The following FZD3 variants were observed in gnomAD, a reference collection of about 807,000 sequenced individuals.
The protein encoded by FZD3 is frizzled class receptor 3, also known as frizzled-3.
FZD3 carries 30 observed loss-of-function variants against 60.7 expected under a neutral mutation model. That is an observed-to-expected ratio of 0.49 (90% CI 0.37 to 0.67). The LOEUF is 0.67. Ranked by LOEUF, FZD3 falls within the 30% of genes least tolerant of loss-of-function variation. The probability of loss-of-function intolerance (pLI) is 0.00; values close to 1 mark genes in which losing one functional copy is unlikely to be tolerated. For synonymous variants in FZD3, 246 were observed against 275.2 expected, an observed-to-expected ratio of 0.89 and a Z score of 1.05; for missense variants, 605 against 838.7, an observed-to-expected ratio of 0.72 and a Z score of 3.44.
chr8:28,568,426 C>T lies in FZD3; in HGVS notation c.*5415C>T, dbSNP rs930028696. On this transcript the variant is annotated 3_prime_UTR_variant, in exon 8 of 8. Transcript: ENST00000240093. ...GGAAGACTAGGTATCGCATGCCTTC[C>T]GTCTGATTGTAATCAGTCTCCTGGG... is the stretch of plus-strand genomic sequence containing the variant. 4 of 152,008 alleles carry T rather than the reference C, an allele frequency of 2.6e-5. No homozygotes were observed. The highest frequency in any genetic ancestry group is 4.4e-5 in the Non-Finnish European group (3 of 67,988). 9.4% of individuals were successfully genotyped at this position (152,008 alleles called of 1,614,324 possible). A position where few individuals can be genotyped will look rare whatever the true frequency, so the allele number is the denominator to read the frequency against.
At chr8:28,542,976 A>T (rs187693434) in intron 5 of FZD3, among the ~76,000 whole-genome samples, 1 of 152,324 alleles carries the variant, frequency 6.6e-6, no homozygotes, top group East Asian at 1.9e-4. Flanking sequence ...GATGAGTAGG[A>T]TAGGATGTAT....
In FZD3 at chr8:28,551,770, T is replaced by A; in HGVS notation, c.1553+19T>A. 6.3e-7 allele frequency: 1 copy of A among 1,584,908 alleles called. No homozygotes were observed. The highest frequency in any genetic ancestry group is 8.6e-7 in the Non-Finnish European group (1 of 1,166,726). The stretch of plus-strand genomic sequence containing the variant: ...AAAAAGAGTAAGTTGAAATAAATGA[T>A]CACAGTGTTCACAAACCTCACATTT... On this transcript the variant is annotated intron_variant, in intron 6 of 7. Coordinates refer to ENST00000240093, the MANE Select transcript of FZD3 (RefSeq NM_017412.4).
At chr8:28,503,675 A>G (rs1804059515) in intron 3 of FZD3, among the ~76,000 whole-genome samples, 1 of 152,252 alleles carries the variant, frequency 6.6e-6, no homozygotes. Flanking sequence ...GATATAGTTA[A>G]TAATAGGTTT....
At chr8:28,532,148 GCT>G (rs1387446599) in intron 5 of FZD3, among the ~76,000 whole-genome samples, 8 of 151,870 alleles carry the variant, frequency 5.3e-5, no homozygotes, top group African/African-American at 1.9e-4. Context: ...TCATTTTTAG[GCT>G]CTCTCATTTG....
chr8:28,505,099 TA>T (rs150722242), intron 3 of FZD3: 1,873 of 154,920 alleles, frequency 0.012, 77 homozygotes, highest in Admixed American at 0.076. Context: ...TTTGAGAGTG[TA>T]ACGTTTCTTT....
chr8:28,534,409 C>T (rs1420967668), intron 5 of FZD3, among the ~76,000 whole-genome samples: 1 of 152,054 alleles, frequency 6.6e-6, no homozygotes, highest in African/African-American at 2.4e-5. Context: ...AAAAATTAGC[C>T]AGGCATGTTG....
At position 28,520,650 on chromosome 8, in the gene FZD3, A is replaced by G. The variant is rs751718324; in HGVS notation, c.202A>G (p.Met68Val). 1.6e-5 allele frequency: 26 copies of G among 1,584,406 alleles called. No homozygotes were observed. Among genetic ancestry groups the G allele is most frequent in the East Asian group, 2.3e-5 (1 of 44,154 alleles). Residue 68 changes from methionine to valine, a missense_variant, in exon 4 of 8, where the codon ATG (methionine) becomes GTG (valine). Physicochemically the swap from Met to Val is conservative, Grantham distance 21. Transcript: ENST00000240093. ...AACTTTTCCCTAGCCATTCCACCCT[A>G]TGGTGAATCTGGATTGTTCTCGGGA... ...AALAMEPFHP[M>V]VNLDCSRDFR...
intron 3 of FZD3, among the ~76,000 whole-genome samples, chr8:28,507,021 C>CA: frequency 6.6e-6 from 1 of 152,296 alleles, no homozygotes; most frequent in East Asian, 1.9e-4. Context: ...ATCAAAATTT[C>CA]ATCCATAAAT....
intron 5 of FZD3, among the ~76,000 whole-genome samples, chr8:28,544,287 C>G (rs527730098): frequency 6.6e-6 from 1 of 151,880 alleles, no homozygotes; most frequent in Admixed American, 6.6e-5. Flanking sequence ...AGTAGTATGC[C>G]ATATCGGAGA....
intron 7 of FZD3, among the ~76,000 whole-genome samples, chr8:28,561,147 C>T (rs1319283286): frequency 3.3e-5 from 5 of 152,182 alleles, no homozygotes; most frequent in African/African-American, 9.7e-5. Context: ...ACCTCCGCCT[C>T]CGACATTCAA....
At chr8:28,519,738 A>G (rs1377290129) in intron 3 of FZD3, among the ~76,000 whole-genome samples, 1 of 150,510 alleles carries the variant, frequency 6.6e-6, no homozygotes, top group Non-Finnish European at 1.5e-5. Flanking sequence ...TTTAAAAAAA[A>G]AAAAAAAAAA....
rs59022036 is a variant in FZD3, at chr8:28,530,089, CTGTGTGTGTGTGTGTGTGTG to C, written c.1404+1959_1404+1978del. ...CAGTTTGAGCTACACTGAAATATAT[CTGTGTGTGTGTGTGTGTGTG>C]TGTGTGTGTGTGTGTGTGTGTGTGT... On this transcript the variant is annotated intron_variant, in intron 5 of 7. Transcript: ENST00000240093. 2.7e-3 allele frequency among the ~76,000 whole-genome samples: 372 copies of C among 138,588 alleles called. 1 individual carries two copies. In the Middle Eastern group the frequency reaches 0.033, roughly 12 times the overall value. 90.9% of individuals were successfully genotyped at this position (138,588 alleles called of 152,430 possible).
At chr8:28,554,102 TAAGTG>T (rs1450517971) in intron 6 of FZD3, among the ~76,000 whole-genome samples, 1 of 152,252 alleles carries the variant, frequency 6.6e-6, no homozygotes, top group African/African-American at 2.4e-5. Flanking sequence ...GTTCTCCCCT[TAAGTG>T]AAGCCAGATT....
At chr8:28,517,919 A>G (rs2130339352) in intron 3 of FZD3, among the ~76,000 whole-genome samples, 1 of 152,240 alleles carries the variant, frequency 6.6e-6, no homozygotes, top group South Asian at 2.1e-4. Flanking sequence ...GATGCCCAGT[A>G]ATTTTTTACT....
At chr8:28,541,165 A>C (rs998812809) in intron 5 of FZD3, among the ~76,000 whole-genome samples, 1 of 152,184 alleles carries the variant, frequency 6.6e-6, no homozygotes, top group African/African-American at 2.4e-5. Flanking sequence ...TTCATTTATA[A>C]GGGGACACTC....
intron 4 of FZD3, among the ~76,000 whole-genome samples, chr8:28,524,804 C>T (rs1333402486): frequency 6.6e-6 from 1 of 152,174 alleles, no homozygotes; most frequent in Non-Finnish European, 1.5e-5. Context: ...TGTTGAAAAT[C>T]CTAACCTATA....
Position 28,505,259 on chromosome 8 carries a change from G to A in FZD3, c.189+2057G>A, listed in dbSNP as rs140829661. The stretch of plus-strand genomic sequence containing the variant: ...CCCAGCACACTCTTGAGTGTTTGCT[G>A]TGAGACTGAATGAATTCAAAGACAG... On this transcript the variant is annotated intron_variant, in intron 3 of 7. Coordinates refer to ENST00000240093, the MANE Select transcript of FZD3 (RefSeq NM_017412.4). 257 of 154,662 alleles carry A rather than the reference G, an allele frequency of 1.7e-3. 2 individuals carry two copies. Among genetic ancestry groups the A allele is most frequent in the African/African-American group, 6.0e-3 (248 of 41,666 alleles). 9.6% of individuals were successfully genotyped at this position (154,662 alleles called of 1,614,324 possible).
chr8:28,549,634 T>C (rs1342384737), intron 5 of FZD3, among the ~76,000 whole-genome samples: 1 of 152,184 alleles, frequency 6.6e-6, no homozygotes, highest in Non-Finnish European at 1.5e-5. Flanking sequence ...ACTTTTCTTG[T>C]ATTCCATATT....
At chr8:28,549,172 T>C (rs1805358315) in intron 5 of FZD3, among the ~76,000 whole-genome samples, 1 of 152,164 alleles carries the variant, frequency 6.6e-6, no homozygotes, top group Non-Finnish European at 1.5e-5. Flanking sequence ...CCTGGTGTCT[T>C]TATGTCCAAA....
Sources: gnomAD v4.1 joint callset for allele counts (sites outside exome capture counted in the v4.1 genomes callset) on GRCh38, gnomAD v4.1.1 for gene constraint, MANE v1.5 for transcripts, NCBI Gene and HGNC (gene_info 2026-07-23, HGNC 2026-07-21) for gene names.